PEBP4: variants seen among roughly 807,000 people sequenced by gnomAD.
PEBP4 encodes phosphatidylethanolamine binding protein 4, also known as phosphatidylethanolamine-binding protein 4.
A neutral mutation model predicts 23.9 loss-of-function variants in PEBP4; 22 were observed. The observed-to-expected ratio is 0.92, with a 90% CI of 0.66 to 1.31. PEBP4 has a LOEUF of 1.31. PEBP4 is among the 40% of genes most tolerant of loss of function. The probability of loss-of-function intolerance (pLI) is 0.00; values close to 1 mark genes in which losing one functional copy is unlikely to be tolerated. For synonymous variants in PEBP4, 112 were observed against 99.3 expected (o/e 1.13, Z -0.76); for missense variants, 324 against 281.7 (o/e 1.15, Z -1.07).
intron 3 of PEBP4, among the ~76,000 whole-genome samples, chr8:22,879,127 G>A (rs560025649): frequency 6.6e-6 from 1 of 152,288 alleles, no homozygotes; most frequent in Non-Finnish European, 1.5e-5. Context: ...GCTAGGAAGG[G>A]AAGCAAATAT....
At position 22,869,115 on chromosome 8, in the gene PEBP4, G is replaced by T. The variant is rs368418605; in HGVS notation, c.258+51069C>A. Among the ~76,000 whole-genome samples the T allele has an allele frequency of 2.0e-5, 3 of 152,094 alleles. No homozygotes were observed. The South Asian group carries it at 6.2e-4, about 32-fold the overall frequency. On this transcript the variant is annotated intron_variant, in intron 3 of 6. Coordinates refer to ENST00000256404, the MANE Select transcript of PEBP4 (RefSeq NM_144962.3). Reference sequence around the variant, plus strand: ...TGCCTCATGGCCTTTGTACTGGCTGGCCCCTCTGCCTTCTTTCTCTGCCTT... The same window carrying T: ...TGCCTCATGGCCTTTGTACTGGCTGTCCCCTCTGCCTTCTTTCTCTGCCTT...
chr8:22,921,363 C>T (rs943617820), intron 2 of PEBP4, among the ~76,000 whole-genome samples: 8 of 152,314 alleles, frequency 5.3e-5, no homozygotes, highest in South Asian at 2.1e-4. Flanking sequence ...CCACCCACAG[C>T]GGTCCACAGT....
chr8:22,798,968 C>T (rs564990782), intron 4 of PEBP4, among the ~76,000 whole-genome samples: 1 of 152,064 alleles, frequency 6.6e-6, no homozygotes, highest in African/African-American at 2.4e-5. Flanking sequence ...GAACTCCTGA[C>T]CTCAAGTGAT....
intron 4 of PEBP4, among the ~76,000 whole-genome samples, chr8:22,797,691 C>A (rs1342216288): frequency 6.6e-6 from 1 of 152,194 alleles, no homozygotes; most frequent in Non-Finnish European, 1.5e-5. Context: ...TCCATGTGAT[C>A]TGAAGGAACC....
chr8:22,888,144 C>T (rs1239598441), intron 3 of PEBP4: 1 of 149,804 alleles, frequency 6.7e-6, no homozygotes, highest in Non-Finnish European at 1.5e-5. Flanking sequence ...GTTTGGCCAA[C>T]CCACCCACTT....
intron 2 of PEBP4, among the ~76,000 whole-genome samples, chr8:22,921,199 T>C (rs574390055): frequency 1.3e-5 from 2 of 152,348 alleles, no homozygotes; most frequent in South Asian, 4.1e-4. Context: ...GCCCTTCTAT[T>C]ATAATTTATC....
intron 3 of PEBP4, among the ~76,000 whole-genome samples, chr8:22,871,933 A>G (rs562673834): frequency 1.6e-4 from 24 of 149,572 alleles, no homozygotes; most frequent in African/African-American, 5.7e-4. Flanking sequence ...CTCACTCCCA[A>G]CCTCCCCCCG....
In PEBP4 at chr8:22,865,526, A is replaced by T. The variant is rs1807874429; in HGVS notation, c.259-47791T>A. On this transcript the variant is annotated intron_variant, in intron 3 of 6. Transcript: ENST00000256404. The surrounding 1 kb of genome is among the most constrained non-coding windows in gnomAD (Gnocchi z 6.9). ...GAGAAGGAGCCTCGGGGAAGAGCTA[A>T]AAAAGGCAAGGCGCTGCTGCCGGTG... Among the ~76,000 whole-genome samples, 2 of 152,036 alleles carry T rather than the reference A, an allele frequency of 1.3e-5. No homozygotes were observed. The highest frequency in any genetic ancestry group is 2.9e-5 in the Non-Finnish European group (2 of 67,968).
chr8:22,744,336 A>T (rs915529356), intron 4 of PEBP4, among the ~76,000 whole-genome samples: 1 of 152,178 alleles, frequency 6.6e-6, no homozygotes, highest in East Asian at 1.9e-4. Flanking sequence ...TTTTCTCCTG[A>T]GTTCTAGAAC....
intron 4 of PEBP4, among the ~76,000 whole-genome samples, chr8:22,773,613 T>C (rs1805759114): frequency 6.6e-6 from 1 of 152,122 alleles, no homozygotes; most frequent in African/African-American, 2.4e-5. Context: ...AGCAAAGTCA[T>C]CCGCAGGCCT....
intron 4 of PEBP4, among the ~76,000 whole-genome samples, chr8:22,754,107 TTA>T (rs1403216352): frequency 6.6e-6 from 1 of 152,072 alleles, no homozygotes; most frequent in Non-Finnish European, 1.5e-5. Flanking sequence ...AGATCAAATT[TTA>T]TCTTTCTCAG....
At chr8:22,896,406 C>T (rs1238687933) in intron 3 of PEBP4, among the ~76,000 whole-genome samples, 1 of 152,182 alleles carries the variant, frequency 6.6e-6, no homozygotes, top group Non-Finnish European at 1.5e-5. Context: ...CATCCTCAGG[C>T]TAAGGGGAGT....
At chr8:22,895,609 TCAAA>T (rs1417925546) in intron 3 of PEBP4, 1 of 142,836 alleles carries the variant, frequency 7.0e-6, no homozygotes, top group East Asian at 2.0e-4. Flanking sequence ...CATTATCTCT[TCAAA>T]TAGTTCTACT....
Position 22,898,853 on chromosome 8 carries a change from C to T in PEBP4, c.258+21331G>A, listed in dbSNP as rs182419792. ...TGGAGGGGCTGGGTCCTGAGGAGGC[C>T]CCCTTACTGCCCAGGAGGGAGAAGT... On this transcript the variant is annotated intron_variant, in intron 3 of 6. Coordinates refer to ENST00000256404, the MANE Select transcript of PEBP4 (RefSeq NM_144962.3). Among the ~76,000 whole-genome samples the T allele has an allele frequency of 1.7e-3, 252 of 152,268 alleles. 3 individuals carry two copies. Among genetic ancestry groups the T allele is most frequent in the Middle Eastern group, 0.014 (4 of 294 alleles).
intron 6 of PEBP4, among the ~76,000 whole-genome samples, chr8:22,715,970 G>C (rs543512028): frequency 1.3e-5 from 2 of 152,138 alleles, no homozygotes; most frequent in African/African-American, 4.8e-5. Flanking sequence ...GAGAGTCCGC[G>C]GCCAGGCAGG....
intron 3 of PEBP4, among the ~76,000 whole-genome samples, chr8:22,831,738 C>T (rs889650643): frequency 4.6e-5 from 7 of 152,104 alleles, no homozygotes; most frequent in Non-Finnish European, 7.4e-5. Flanking sequence ...AGGATGCTAC[C>T]GCTGAGCTGG....
intron 4 of PEBP4, among the ~76,000 whole-genome samples, chr8:22,752,965 CT>C (rs1805300509): frequency 6.6e-6 from 1 of 152,164 alleles, no homozygotes; most frequent in Admixed American, 6.5e-5. Context: ...AGACGTATTC[CT>C]GCTATGTCTC....
chr8:22,854,660 G>T (rs1807604600), intron 3 of PEBP4, among the ~76,000 whole-genome samples: 1 of 152,110 alleles, frequency 6.6e-6, no homozygotes, highest in African/African-American at 2.4e-5. Context: ...TGTCAGGATT[G>T]TTGTGTATTT....
intron 4 of PEBP4, among the ~76,000 whole-genome samples, chr8:22,810,669 G>GGTGTGTGTGTGTGTGTGTGTGT (rs60078589): frequency 7.7e-6 from 1 of 129,130 alleles, no homozygotes; most frequent in African/African-American, 3.0e-5. Flanking sequence ...CTCATGGAGG[G>GGTGTGTGTGTGTGTGTGTGTGT]GTGTGTGTGT....
Sources: allele counts gnomAD v4.1 joint callset (sites outside exome capture counted in the v4.1 genomes callset), GRCh38; gene constraint gnomAD v4.1.1; non-coding constraint Gnocchi (gnomAD v3.1); transcripts MANE v1.5; gene names NCBI Gene and HGNC (gene_info 2026-07-23, HGNC 2026-07-21).